Variants in GALNT18 observed in about 807,000 individuals in gnomAD.
GALNT18 encodes the protein polypeptide N-acetylgalactosaminyltransferase 18.
Under a neutral mutation model 69.5 loss-of-function variants are expected in GALNT18, and 44 were observed. The ratio of observed to expected loss-of-function variants is 0.63; its 90% confidence interval spans 0.50 to 0.81. GALNT18 has a LOEUF of 0.81. GALNT18 is among the 40% of genes least tolerant of loss of function. The pLI, the probability that GALNT18 is intolerant of heterozygous loss-of-function variation, is 0.00. For synonymous variants in GALNT18, 364 were observed against 318.2 expected (o/e 1.14, Z -1.53); for missense variants, 715 against 810.0 (o/e 0.88, Z 1.42).
chr11:11,595,775 T>C lies in GALNT18; in HGVS notation c.235+25584A>G, dbSNP rs1020402909. Among the ~76,000 whole-genome samples, 2 of 152,260 alleles carry C rather than the reference T, an allele frequency of 1.3e-5. No individual in the cohort carries two copies. The highest frequency in any genetic ancestry group is 2.4e-5 in the African/African-American group (1 of 41,476). On this transcript the variant is annotated intron_variant, in intron 1 of 10. Coordinates refer to ENST00000227756, the MANE Select transcript of GALNT18 (RefSeq NM_198516.3). The surrounding 1 kb of genome is among the most constrained non-coding windows in gnomAD (Gnocchi z 5.2). ...TTGCATTATGAGTTTTTGTAAATTC[T>C]GGATATTAACCCCTTACCAGATAAA...
At chr11:11,279,839 A>G (rs1165582347) in intron 10 of GALNT18, among the ~76,000 whole-genome samples, 2 of 152,204 alleles carry the variant, frequency 1.3e-5, no homozygotes, top group Non-Finnish European at 2.9e-5. Flanking sequence ...CTTTGTTTTA[A>G]ACCATGGAGT....
intron 1 of GALNT18, among the ~76,000 whole-genome samples, chr11:11,533,415 T>A (rs1007008868): frequency 6.6e-6 from 1 of 152,188 alleles, no homozygotes; most frequent in Non-Finnish European, 1.5e-5. Flanking sequence ...CCATACCTAC[T>A]GATGCTAACG....
rs941442795 is a variant in GALNT18, at chr11:11,338,924, C to T, written c.1278+1895G>A. On this transcript the variant is annotated intron_variant, in intron 7 of 10. Transcript: ENST00000227756. The surrounding 1 kb of genome is among the most constrained non-coding windows in gnomAD (Gnocchi z 5.3). ...GTGGAATCATGGACCCAAGGAGCTACAGAGATTCAAGGAAAAGGTGAAATC... is the reference window on the plus strand; with the variant it reads ...GTGGAATCATGGACCCAAGGAGCTATAGAGATTCAAGGAAAAGGTGAAATC... Among the ~76,000 whole-genome samples the T allele has an allele frequency of 1.3e-5, 2 of 152,000 alleles. No individual in the cohort carries two copies. The highest frequency in any genetic ancestry group is 4.8e-5 in the African/African-American group (2 of 41,346).
At chr11:11,414,731 C>T (rs979468032) in intron 3 of GALNT18, among the ~76,000 whole-genome samples, 1 of 152,140 alleles carries the variant, frequency 6.6e-6, no homozygotes, top group Non-Finnish European at 1.5e-5. Flanking sequence ...TCTCATATTC[C>T]CAGTGTACAG....
rs1289507250 is a variant in GALNT18 at position 11,616,904 on chromosome 11, G to T, written c.235+4455C>A. On this transcript the variant is annotated intron_variant, in intron 1 of 10. Coordinates refer to ENST00000227756, the MANE Select transcript of GALNT18 (RefSeq NM_198516.3). The surrounding 1 kb of genome is among the most constrained non-coding windows in gnomAD (Gnocchi z 4.4). Reference sequence around the variant, plus strand: ...CTTTAAGTTCTAAGTGCTTTGCAAAGGTTTTATAAACGGTAGTCAGTTAAA... The same window carrying T: ...CTTTAAGTTCTAAGTGCTTTGCAAATGTTTTATAAACGGTAGTCAGTTAAA... Among the ~76,000 whole-genome samples the T allele has an allele frequency of 6.6e-6, 1 of 152,182 alleles. No individual in the cohort carries two copies. Among genetic ancestry groups the T allele is most frequent in the African/African-American group, 2.4e-5 (1 of 41,436 alleles).
intron 1 of GALNT18, among the ~76,000 whole-genome samples, chr11:11,607,787 T>G (rs1263477903): frequency 6.6e-6 from 1 of 152,108 alleles, no homozygotes; most frequent in African/African-American, 2.4e-5. Flanking sequence ...AAGAAGACAC[T>G]CTCCACCAAG....
intron 9 of GALNT18, among the ~76,000 whole-genome samples, chr11:11,299,382 G>T (rs1849454943): frequency 6.6e-6 from 1 of 152,152 alleles, no homozygotes; most frequent in African/African-American, 2.4e-5. Context: ...CTGACCTCAG[G>T]TGAACTGCTC....
At position 11,397,315 on chromosome 11, in the gene GALNT18, A is replaced by AT. The variant is rs1317035060; in HGVS notation, c.596-18052dup. On this transcript the variant is annotated intron_variant, in intron 3 of 10. Coordinates refer to ENST00000227756, the MANE Select transcript of GALNT18 (RefSeq NM_198516.3). ...ACAGAGCCTGGGTTTTAGTAGACAG[A>AT]TATCAAAGAGTGTATGGGAAAGAAA... Among the ~76,000 whole-genome samples, 4 of 152,180 alleles carry AT rather than the reference A, an allele frequency of 2.6e-5. No individual in the cohort carries two copies. In the East Asian group the frequency reaches 7.7e-4, roughly 29 times the overall value.
In GALNT18 at chr11:11,389,025, A is replaced by G. The variant is rs891241381; in HGVS notation, c.596-9761T>C. On this transcript the variant is annotated intron_variant, in intron 3 of 10. Transcript: ENST00000227756. This position sits in a 1 kb window ranked among gnomAD's most constrained non-coding sequence, Gnocchi z 4.3. ...TGAGGAAACACAGCCCAGAGAGGCT[A>G]AAGGATTTGCCCAGTATCACAGAGC... is the stretch of plus-strand genomic sequence containing the variant. 6.6e-6 allele frequency among the ~76,000 whole-genome samples: 1 copy of G among 152,234 alleles called. No homozygotes were observed. The highest frequency in any genetic ancestry group is 1.5e-5 in the Non-Finnish European group (1 of 68,044).
intron 1 of GALNT18, among the ~76,000 whole-genome samples, chr11:11,476,690 G>A (rs1212632989): frequency 2.0e-5 from 3 of 152,264 alleles, no homozygotes; most frequent in Middle Eastern, 3.4e-3. Flanking sequence ...ATTGCTCACA[G>A]GCATTTAGAT....
intron 9 of GALNT18, among the ~76,000 whole-genome samples, chr11:11,293,916 G>C (rs1454372852): frequency 2.1e-5 from 3 of 145,578 alleles, no homozygotes; most frequent in African/African-American, 8.0e-5. Context: ...TGTGGGATGG[G>C]AGATGTATAA....
chr11:11,405,476 G>A (rs1200564727), intron 3 of GALNT18, among the ~76,000 whole-genome samples: 1 of 152,182 alleles, frequency 6.6e-6, no homozygotes, highest in East Asian at 1.9e-4. Flanking sequence ...CACTGACTTG[G>A]AGGAGGAGGG....
intron 3 of GALNT18, among the ~76,000 whole-genome samples, chr11:11,399,863 G>A (rs1029856747): frequency 6.6e-5 from 10 of 152,280 alleles, no homozygotes; most frequent in Admixed American, 1.3e-4. Context: ...AACATTTATC[G>A]AGCACTTACT....
intron 1 of GALNT18, among the ~76,000 whole-genome samples, chr11:11,532,701 C>T (rs1049999460): frequency 4.6e-5 from 7 of 152,206 alleles, no homozygotes; most frequent in South Asian, 2.1e-4. Flanking sequence ...GAGGGCTTCC[C>T]GCTGAGCTGC....
intron 9 of GALNT18, among the ~76,000 whole-genome samples, chr11:11,319,161 G>C (rs756217305): frequency 6.6e-6 from 1 of 152,040 alleles, no homozygotes; most frequent in African/African-American, 2.4e-5. Context: ...TTGCTTAACC[G>C]TCTTACAAAG....
rs1849824439 is a variant in GALNT18, at chr11:11,320,464, T to C, written c.1512+6622A>G. 6.6e-6 allele frequency among the ~76,000 whole-genome samples: 1 copy of C among 151,982 alleles called. No homozygotes were observed. The highest frequency in any genetic ancestry group is 1.5e-5 in the Non-Finnish European group (1 of 67,994). On this transcript the variant is annotated intron_variant, in intron 9 of 10. Transcript: ENST00000227756. This position sits in a 1 kb window ranked among gnomAD's most constrained non-coding sequence, Gnocchi z 4.9. ...GCTGAGAACTGCCAGTAGGAGGGGG[T>C]GACATCCCTGGAAATGCATGTTGAA...
rs536445578 is a variant in GALNT18, at chr11:11,294,251, G to A, written c.1513-1058C>T. ...GACATGCTCAATTCCTCTGAGCTGT[G>A]ACAACACATGGGAAATGCTGTCTAC... On this transcript the variant is annotated intron_variant, in intron 9 of 10. Transcript: ENST00000227756. Among the ~76,000 whole-genome samples, 49 of 152,360 alleles carry A rather than the reference G, an allele frequency of 3.2e-4. 1 individual carries two copies. The East Asian group carries it at 8.7e-3, about 27-fold the overall frequency.
rs956745045 is a variant in GALNT18 at position 11,500,884 on chromosome 11, G to T, written c.236-51948C>A. Among the ~76,000 whole-genome samples, 1 of 152,138 alleles carries T rather than the reference G, an allele frequency of 6.6e-6. No homozygotes were observed. The highest frequency in any genetic ancestry group is 1.5e-5 in the Non-Finnish European group (1 of 68,018). On this transcript the variant is annotated intron_variant, in intron 1 of 10. Transcript: ENST00000227756. The surrounding 1 kb of genome is among the most constrained non-coding windows in gnomAD (Gnocchi z 5.0). ...TCCTTCCCTGTCTTTTTGCAGAGCC[G>T]TGCTGAGCGGGCAGCCAGGTGCACA...
chr11:11,377,079 T>A lies in GALNT18; in HGVS notation c.977+103A>T. 1 of 1,106,234 alleles carries A rather than the reference T, an allele frequency of 9.0e-7. No individual in the cohort carries two copies. The highest frequency in any genetic ancestry group is 1.3e-6 in the Non-Finnish European group (1 of 748,420). The allele number at this position is 1,106,234 out of a possible 1,614,324, so 68.5% of individuals were successfully genotyped here. A position where few individuals can be genotyped will look rare whatever the true frequency, so the allele number is the denominator to read the frequency against. ...CTTTCGACCCTGCCCACCCCTGTCA[T>A]CCCCACGATGGGGCTCAAGTTGGAG... On this transcript the variant is annotated intron_variant, in intron 5 of 10. Coordinates refer to ENST00000227756, the MANE Select transcript of GALNT18 (RefSeq NM_198516.3). This position sits in a 1 kb window ranked among gnomAD's most constrained non-coding sequence, Gnocchi z 4.6.
Sources: allele counts gnomAD v4.1 joint callset (sites outside exome capture counted in the v4.1 genomes callset), GRCh38; gene constraint gnomAD v4.1.1; non-coding constraint Gnocchi (gnomAD v3.1); transcripts MANE v1.5; gene names NCBI Gene and HGNC (gene_info 2026-07-23, HGNC 2026-07-21).